The following RSPO2 variants were observed in gnomAD, a reference collection of about 807,000 sequenced individuals.
The protein encoded by RSPO2 is R-spondin-2.
Under a neutral mutation model 30.9 loss-of-function variants are expected in RSPO2, and 14 were observed. The ratio of observed to expected loss-of-function variants is 0.45; its 90% CI spans 0.30 to 0.71. The LOEUF (loss-of-function observed/expected upper bound fraction) is 0.71. Among genes scored for constraint, RSPO2 ranks in the 30% least tolerant of loss-of-function variants. The pLI is 0.08. For missense variants in RSPO2, 264 were observed against 301.9 expected (o/e 0.87, Z 0.93); for synonymous variants, 107 against 96.4 (o/e 1.11, Z -0.64).
rs923966833 is a variant in RSPO2, at chr8:108,083,241, C to G, written c.-214G>C. 1 of 152,246 alleles carries G rather than the reference C, an allele frequency of 6.6e-6. No homozygotes were observed. The highest frequency in any genetic ancestry group is 1.5e-5 in the Non-Finnish European group (1 of 68,060). 9.4% of individuals were successfully genotyped at this position (152,246 alleles called of 1,614,324 possible). ...GCGCGGCCTCCCTAGGCGCGGTGCT[C>G]CATCCCGGGCTCGGGAAGCGAGCCG... On this transcript the variant is annotated 5_prime_UTR_variant, in exon 1 of 6. Transcript: ENST00000276659.
At chr8:107,957,428 T>C (rs1489453978) in intron 5 of RSPO2, among the ~76,000 whole-genome samples, 4 of 152,228 alleles carry the variant, frequency 2.6e-5, no homozygotes, top group Non-Finnish European at 4.4e-5. Flanking sequence ...TCACCTCAGC[T>C]ATGTGCTCTT....
At chr8:107,979,550 A>T (rs1335248137) in intron 3 of RSPO2, among the ~76,000 whole-genome samples, 1 of 152,132 alleles carries the variant, frequency 6.6e-6, no homozygotes, top group African/African-American at 2.4e-5. Flanking sequence ...GGGAAGGGGG[A>T]GGGATAGCAT....
chr8:108,076,649 G>A (rs1813022084), intron 2 of RSPO2, among the ~76,000 whole-genome samples: 1 of 152,106 alleles, frequency 6.6e-6, no homozygotes. Context: ...AACACATTTG[G>A]GAGGGGGCAC....
intron 5 of RSPO2, among the ~76,000 whole-genome samples, chr8:107,942,889 T>C (rs994908296): frequency 1.3e-5 from 2 of 152,256 alleles, no homozygotes; most frequent in Admixed American, 6.5e-5. Context: ...TGTTTCTTAC[T>C]GGGCTTCCAA....
intron 2 of RSPO2, among the ~76,000 whole-genome samples, chr8:108,044,771 G>GA (rs1811863693): frequency 6.6e-6 from 1 of 152,092 alleles, no homozygotes. Flanking sequence ...AGCTATTTGA[G>GA]AAATCTCCAA....
At chr8:107,924,077 C>A (rs574544653) in intron 5 of RSPO2, among the ~76,000 whole-genome samples, 1 of 144,508 alleles carries the variant, frequency 6.9e-6, no homozygotes, top group Non-Finnish European at 1.5e-5. Context: ...TGCACGTGTA[C>A]CCCTGAACAT....
At chr8:107,998,599 A>T (rs777648183) in intron 2 of RSPO2, among the ~76,000 whole-genome samples, 8 of 152,240 alleles carry the variant, frequency 5.3e-5, no homozygotes, top group African/African-American at 1.4e-4. Context: ...AAATACCATG[A>T]TTAAAAATGT....
chr8:108,046,864 G>A (rs982408230), intron 2 of RSPO2, among the ~76,000 whole-genome samples: 2 of 152,114 alleles, frequency 1.3e-5, no homozygotes, highest in Non-Finnish European at 2.9e-5. Flanking sequence ...ATTCAGTTGT[G>A]CAGGCAAAAC....
At chr8:107,923,102 T>A (rs1812236142) in intron 5 of RSPO2, among the ~76,000 whole-genome samples, 1 of 152,114 alleles carries the variant, frequency 6.6e-6, no homozygotes, top group Non-Finnish European at 1.5e-5. Flanking sequence ...CTTACGAGCT[T>A]CTGCACAGCA....
chr8:107,943,481 T>C (rs1812964150), intron 5 of RSPO2, among the ~76,000 whole-genome samples: 1 of 152,208 alleles, frequency 6.6e-6, no homozygotes, highest in South Asian at 2.1e-4. Context: ...CAAATTAGGC[T>C]ACTACTGATG....
chr8:107,938,460 C>T (rs1812788275), intron 5 of RSPO2, among the ~76,000 whole-genome samples: 1 of 152,094 alleles, frequency 6.6e-6, no homozygotes, highest in Non-Finnish European at 1.5e-5. Flanking sequence ...TTTATTAAAG[C>T]TGTAATATCC....
In RSPO2 at chr8:107,986,876, C is replaced by T. The variant is rs185468201; in HGVS notation, c.283+2180G>A. Among the ~76,000 whole-genome samples the T allele has an allele frequency of 1.3e-3, 204 of 152,336 alleles. 1 individual carries two copies. The highest frequency in any genetic ancestry group is 4.5e-3 in the African/African-American group (188 of 41,580). ...AACAGGAATCCTTTCCAAGGTGGAA[C>T]ATATCTTCCTCTGGAAGTTTATAAA... On this transcript the variant is annotated intron_variant, in intron 3 of 5. Transcript: ENST00000276659.
At chr8:107,954,706 G>A (rs965667316) in intron 5 of RSPO2, among the ~76,000 whole-genome samples, 1 of 152,002 alleles carries the variant, frequency 6.6e-6, no homozygotes, top group Admixed American at 6.6e-5. Context: ...CACCTCCGGG[G>A]TTCAAGCCAC....
chr8:107,934,470 T>A (rs1812653710), intron 5 of RSPO2, among the ~76,000 whole-genome samples: 1 of 151,886 alleles, frequency 6.6e-6, no homozygotes, highest in Admixed American at 6.6e-5. Flanking sequence ...CCTCCCAGGT[T>A]CAAGCCGTTC....
intron 5 of RSPO2, among the ~76,000 whole-genome samples, chr8:107,914,463 A>T (rs984385595): frequency 1.9e-4 from 22 of 113,546 alleles, no homozygotes; most frequent in Non-Finnish European, 4.0e-4. Context: ...CAGAATAGGT[A>T]AAAAAAAAAA....
Position 108,064,319 on chromosome 8 carries a change from C to T in RSPO2, c.94+18226G>A, listed in dbSNP as rs1194994265. 4.7e-4 allele frequency among the ~76,000 whole-genome samples: 72 copies of T among 151,828 alleles called. 1 individual carries two copies. The highest frequency in any genetic ancestry group is 4.6e-3 in the Admixed American group (70 of 15,238). On this transcript the variant is annotated intron_variant, in intron 2 of 5. Coordinates refer to ENST00000276659, the MANE Select transcript of RSPO2 (RefSeq NM_178565.5). The stretch of plus-strand genomic sequence containing the variant: ...TAATATCCAGAATCTACAAAAAAAA[C>T]AAATTTACAAGAAAAAAACAACCCC...
chr8:108,003,614 G>T (rs1815355556), intron 2 of RSPO2, among the ~76,000 whole-genome samples: 1 of 151,676 alleles, frequency 6.6e-6, no homozygotes, highest in African/African-American at 2.4e-5. Flanking sequence ...CTCTAACAAG[G>T]TTCTGTCTAT....
rs115366291 is a variant in RSPO2, at chr8:107,996,172, T to C, written c.95-6928A>G. On this transcript the variant is annotated intron_variant, in intron 2 of 5. Coordinates refer to ENST00000276659, the MANE Select transcript of RSPO2 (RefSeq NM_178565.5). Reference sequence around the variant, plus strand: ...AATGAAACTGGGAATACTGACAGGCTGTGTGAGGAAATGGCTATGGTGGAG... The same window carrying C: ...AATGAAACTGGGAATACTGACAGGCCGTGTGAGGAAATGGCTATGGTGGAG... 2.9e-3 allele frequency among the ~76,000 whole-genome samples: 434 copies of C among 152,194 alleles called. 3 individuals carry two copies. Among genetic ancestry groups the C allele is most frequent in the African/African-American group, 0.01 (418 of 41,528 alleles).
intron 3 of RSPO2, among the ~76,000 whole-genome samples, chr8:107,971,545 A>C (rs1188469613): frequency 6.6e-6 from 1 of 152,194 alleles, no homozygotes; most frequent in Non-Finnish European, 1.5e-5. Flanking sequence ...GCAACTGTGG[A>C]CCAGTACATT....
Sources: gnomAD v4.1 joint callset for allele counts (sites outside exome capture counted in the v4.1 genomes callset) on GRCh38, gnomAD v4.1.1 for gene constraint, MANE v1.5 for transcripts, NCBI Gene and HGNC (gene_info 2026-07-23, HGNC 2026-07-21) for gene names.